The following RNF213 variants were observed in gnomAD, a reference collection of about 807,000 sequenced individuals.
RNF213 encodes E3 ubiquitin-protein ligase RNF213.
Under a neutral mutation model 514.4 loss-of-function variants are expected in RNF213, and 341 were observed. The ratio of observed to expected loss-of-function variants is 0.66; its 90% confidence interval spans 0.61 to 0.73. The LOEUF is 0.73. Among genes scored for constraint, RNF213 ranks in the 30% least tolerant of loss-of-function variants. RNF213 has a pLI of 0.00. For synonymous variants in RNF213, 2,655 were observed against 2,658.2 expected (o/e 1.00, Z 0.04); for missense variants, 5,767 against 6,615.6 (o/e 0.87, Z 4.45).
chr17:80,298,767 C>T (rs1055501224), intron 11 of RNF213: 2 of 434,686 alleles, frequency 4.6e-6, no homozygotes, highest in South Asian at 2.4e-5. Context: ...GAGTTCGAGA[C>T]CAGCCTGGCC....
rs1215087165 is a variant in RNF213 at position 80,375,745 on chromosome 17, C to T, written c.13075-15C>T. 9 of 1,553,780 alleles carry T rather than the reference C, an allele frequency of 5.8e-6. No homozygotes were observed. In the African/African-American group the frequency reaches 6.8e-5, roughly 12 times the overall value. On this transcript the variant is annotated splice_polypyrimidine_tract_variant and intron_variant, in intron 50 of 67. Coordinates refer to ENST00000582970, the MANE Select transcript of RNF213 (RefSeq NM_001256071.3). ...TGAGCTTTTAAATTCTTACTTGATACCCTTGATTTTGCAGGCCTGCAAGAC... is the reference window on the plus strand; with the variant it reads ...TGAGCTTTTAAATTCTTACTTGATATCCTTGATTTTGCAGGCCTGCAAGAC...
At chr17:80,358,567 G>A (rs551375934) in intron 37 of RNF213, 88 bp downstream of exon 37, 58 of 1,244,302 alleles carry the variant, frequency 4.7e-5, no homozygotes, top group Non-Finnish European at 6.3e-5. Context: ...TGGGTGAAAC[G>A]CAGCCCTCAA....
rs978080935 is a variant in RNF213 at position 80,397,270 on chromosome 17, G to A, written c.*3772G>A. 2 of 152,218 alleles carry A rather than the reference G, an allele frequency of 1.3e-5. No homozygotes were observed. Among genetic ancestry groups the A allele is most frequent in the African/African-American group, 4.8e-5 (2 of 41,418 alleles). The allele number at this position is 152,218 out of a possible 1,614,324, so 9.4% of individuals were successfully genotyped here. ...TTGCCAGTTCTACAGCCATGGGCAA[G>A]TGGCTCGACCTCTCTAAGCTTCAGT... On this transcript the variant is annotated 3_prime_UTR_variant, in exon 68 of 68. Coordinates refer to ENST00000582970, the MANE Select transcript of RNF213 (RefSeq NM_001256071.3).
intron 3 of RNF213, among the ~76,000 whole-genome samples, chr17:80,274,344 G>A (rs988185287): frequency 1.3e-5 from 2 of 151,254 alleles, no homozygotes; most frequent in Non-Finnish European, 2.9e-5. Flanking sequence ...CGAGGCTTTC[G>A]AGGGGAGCGT....
intron 10 of RNF213, among the ~76,000 whole-genome samples, chr17:80,296,497 T>G (rs917848785): frequency 1.3e-5 from 2 of 152,176 alleles, no homozygotes; most frequent in African/African-American, 4.8e-5. Flanking sequence ...GGAAACACAG[T>G]GTGACTGTCC....
At chr17:80,280,676 A>C (rs1222567160) in intron 3 of RNF213, among the ~76,000 whole-genome samples, 1 of 152,100 alleles carries the variant, frequency 6.6e-6, no homozygotes, top group African/African-American at 2.4e-5. Context: ...GCTGGTCTCA[A>C]ACTCCTGGGC....
At chr17:80,386,562 C>T (rs1234071911) in intron 62 of RNF213, 128 bp from the exon 63 acceptor site, 47 of 1,397,692 alleles carry the variant, frequency 3.4e-5, no homozygotes, top group Non-Finnish European at 4.2e-5. Context: ...CACCAGTGAC[C>T]CGCCCCATAC....
intron 60 of RNF213, 44 bp downstream of exon 60, chr17:80,385,215 C>A: frequency 6.2e-7 from 1 of 1,612,890 alleles, no homozygotes; most frequent in Non-Finnish European, 8.5e-7. Flanking sequence ...CCGCATTTGG[C>A]GGTTCGAAAG....
At chr17:80,269,267 ATACTT>A (rs1246182748) in intron 2 of RNF213, among the ~76,000 whole-genome samples, 1 of 152,114 alleles carries the variant, frequency 6.6e-6, no homozygotes, top group African/African-American at 2.4e-5. Flanking sequence ...AACCAGAACA[ATACTT>A]TACCAACTAC....
chr17:80,361,894 T>C lies in RNF213; in HGVS notation c.11355+6T>C, dbSNP rs2079068416. The C allele has an allele frequency of 1.2e-6, 2 of 1,611,114 alleles. No homozygotes were observed. Among genetic ancestry groups the C allele is most frequent in the Non-Finnish European group, 1.7e-6 (2 of 1,178,086 alleles). On this transcript the variant is annotated splice_donor_region_variant and intron_variant, in intron 39 of 67. Transcript: ENST00000582970. ...CAACGGAGGAGGAATTAAAGGTAGA[T>C]GTTTAGATACTGGCTAAGGGTCAGG...
chr17:80,353,479 G>C lies in RNF213; in HGVS notation c.10424-33G>C, dbSNP rs373133054. On this transcript the variant is annotated intron_variant, in intron 33 of 67. Coordinates refer to ENST00000582970, the MANE Select transcript of RNF213 (RefSeq NM_001256071.3). This position sits in a 1 kb window ranked among gnomAD's most constrained non-coding sequence, Gnocchi z 5.0. Reference sequence around the variant, plus strand: ...TGCCAGTCCCTGTGCCACCTTCTGAGTGGTAACGCAATCACGTTTGCTTCG... The same window carrying C: ...TGCCAGTCCCTGTGCCACCTTCTGACTGGTAACGCAATCACGTTTGCTTCG... The C allele has an allele frequency of 1.0e-4, 164 of 1,584,376 alleles. No individual in the cohort carries two copies. The Middle Eastern group carries it at 1.5e-3, about 14-fold the overall frequency.
chr17:80,375,630 G>C (rs2079721522), intron 50 of RNF213, 130 bp from the exon 51 acceptor site: 1 of 704,632 alleles, frequency 1.4e-6, no homozygotes, highest in Non-Finnish European at 2.6e-6. Context: ...TTGAACCCGA[G>C]AGGCAGAGGT....
intron 14 of RNF213, among the ~76,000 whole-genome samples, chr17:80,311,583 G>T (rs1200770291): frequency 3.9e-5 from 6 of 152,214 alleles, no homozygotes; most frequent in Admixed American, 6.5e-5. Context: ...CCTCTTACAT[G>T]CTTTGAAAGC....
chr17:80,303,959 G>T (rs544826632), intron 11 of RNF213, among the ~76,000 whole-genome samples: 9 of 149,268 alleles, frequency 6.0e-5, no homozygotes, highest in African/African-American at 2.0e-4. Context: ...AACAGAAGAG[G>T]CCACTAGATG....
At chr17:80,307,008 T>G in intron 12 of RNF213, 120 bp from the exon 13 acceptor site, 1 of 953,666 alleles carries the variant, frequency 1.0e-6, no homozygotes, top group Non-Finnish European at 1.7e-6. Flanking sequence ...AAAATTTGTT[T>G]GTAGGAAGAA....
intron 3 of RNF213, among the ~76,000 whole-genome samples, chr17:80,276,799 TCCCAGCACTTTGGGAGGCTGA>T (rs1240482372): frequency 6.6e-6 from 1 of 152,026 alleles, no homozygotes; most frequent in Non-Finnish European, 1.5e-5. Flanking sequence ...ACACCTGTCA[TCCCAGCACTTTGGGAGGCTGA>T]GGTGGGTGGA....
intron 13 of RNF213, 118 bp from the exon 14 acceptor site, chr17:80,308,900 G>A (rs1178399321): frequency 9.5e-6 from 12 of 1,267,674 alleles, no homozygotes; most frequent in Middle Eastern, 2.6e-4. Flanking sequence ...CCTAGATAAG[G>A]TCAAACAAAT....
intron 8 of RNF213, among the ~76,000 whole-genome samples, chr17:80,293,550 G>A (rs901576159): frequency 2.0e-5 from 3 of 152,030 alleles, no homozygotes; most frequent in Admixed American, 6.5e-5. Context: ...GTGGCTGGGC[G>A]TGGTGGCTCA....
In RNF213 at chr17:80,383,020, A is replaced by C. The variant is rs368642459; in HGVS notation, c.14020A>C (p.Arg4674=). 37 of 1,613,892 alleles carry C rather than the reference A, an allele frequency of 2.3e-5. No individual in the cohort carries two copies. The African/African-American group carries it at 4.3e-4, about 19-fold the overall frequency. ...CACAGAATTGTCAACTAAAGAAATG[A>C]GGAACAACTGGGAAAAGGAAATCGC... ...FDTELSTKEM[R]NNWEKEIAAV... is the part of the protein sequence containing the mutation. The change falls in exon 58 of 68, where the codon AGG becomes CGG. Residue 4674 remains arginine (R), a synonymous_variant. Coordinates refer to ENST00000582970, the MANE Select transcript of RNF213 (RefSeq NM_001256071.3).
Sources: gnomAD v4.1 joint callset for allele counts (sites outside exome capture counted in the v4.1 genomes callset) on GRCh38, gnomAD v4.1.1 for gene constraint, Gnocchi (gnomAD v3.1) non-coding constraint, MANE v1.5 for transcripts, NCBI Gene and HGNC (gene_info 2026-07-23, HGNC 2026-07-21) for gene names.